The following SLC30A7 variants were observed in gnomAD, a reference collection of about 807,000 sequenced individuals.
The protein encoded by SLC30A7 is solute carrier family 30 member 7, also known as zinc transporter 7.
A neutral mutation model predicts 46.0 loss-of-function variants in SLC30A7; 35 were observed. That is an observed-to-expected ratio of 0.76 (90% CI 0.58 to 1.01). SLC30A7 has a LOEUF of 1.01. Ranked by LOEUF, SLC30A7 falls within the 50% of genes least tolerant of loss-of-function variation. SLC30A7 has a pLI of 0.00. For missense variants in SLC30A7, 464 were observed against 451.1 expected (o/e 1.03, Z -0.26); for synonymous variants, 147 against 157.8 (o/e 0.93, Z 0.51).
downstream of SLC30A7, among the ~76,000 whole-genome samples, chr1:100,981,959 TAGTC>T (rs1309884178): frequency 1.3e-5 from 2 of 152,208 alleles, no homozygotes; most frequent in Non-Finnish European, 2.9e-5. Context: ...TTGTGGCTCT[TAGTC>T]AGCATCTGAC....
the SLC30A7 span, chr1:100,990,178 G>T: frequency 1.9e-6 from 1 of 520,810 alleles, no homozygotes; most frequent in African/African-American, 1.9e-5. Flanking sequence ...GAGTGAGAAT[G>T]AGAGCCAGTA....
intron 7 of SLC30A7, 41 bp from the exon 8 acceptor site, chr1:100,921,665 A>T: frequency 6.5e-7 from 1 of 1,531,988 alleles, no homozygotes; most frequent in South Asian, 1.1e-5. Context: ...TTTTAAATTA[A>T]CCAAAAGACT....
chr1:100,979,638 C>A lies in SLC30A7; in HGVS notation c.*4781C>A, dbSNP rs918895440. ...GGCCTTCATGTTATTACATTTAATC[C>A]TCAAATTTCTACAAAGGAATAATTT... On this transcript the variant is annotated 3_prime_UTR_variant, in exon 11 of 11. Coordinates refer to ENST00000357650, the MANE Select transcript of SLC30A7 (RefSeq NM_133496.5). 12 of 151,980 alleles carry A rather than the reference C, an allele frequency of 7.9e-5. No individual in the cohort carries two copies. The highest frequency in any genetic ancestry group is 3.3e-4 in the Admixed American group (5 of 15,248). The allele number at this position is 151,980 out of a possible 1,614,324, so 9.4% of individuals were successfully genotyped here.
chr1:100,972,325 A>G (rs1656202199), intron 10 of SLC30A7: 4 of 315,574 alleles, frequency 1.3e-5, no homozygotes. Context: ...AGCTGTCCTC[A>G]TCGGGCCAGA....
chr1:100,935,041 T>C (rs1653869816), intron 8 of SLC30A7, among the ~76,000 whole-genome samples: 1 of 152,184 alleles, frequency 6.6e-6, no homozygotes, highest in Non-Finnish European at 1.5e-5. Context: ...ATTTTCTATT[T>C]TTAGCTCATA....
intron 8 of SLC30A7, among the ~76,000 whole-genome samples, chr1:100,961,182 C>T (rs982588561): frequency 6.6e-6 from 1 of 151,548 alleles, no homozygotes; most frequent in Non-Finnish European, 1.5e-5. Flanking sequence ...AGGATGGTCT[C>T]GATATCCTGA....
chr1:100,926,529 C>A (rs555949486), intron 8 of SLC30A7, among the ~76,000 whole-genome samples: 1 of 152,250 alleles, frequency 6.6e-6, no homozygotes, highest in East Asian at 1.9e-4. Context: ...CCCCATGATC[C>A]AAACACCTCC....
At position 100,912,112 on chromosome 1, in the gene SLC30A7, A is replaced by G; in HGVS notation, c.385A>G (p.Arg129Gly). ...AFFIFSEGVE[R>G]ALAPPDVHHE... is the part of the protein sequence containing the mutation. ...TTTGTTTGTATTATGTGTTTTCTAG[A>G]GAGCATTAGCCCCTCCAGATGTCCA... The change falls in exon 5 of 11, where the codon AGA (arginine) becomes GGA (glycine). Residue 129 changes from arginine (R) to glycine (G), a missense_variant and splice_region_variant. Arg to Gly is a moderately radical substitution (Grantham distance 125, BLOSUM62 -2). Coordinates refer to ENST00000357650, the MANE Select transcript of SLC30A7 (RefSeq NM_133496.5). 1 of 1,612,686 alleles carries G rather than the reference A, an allele frequency of 6.2e-7. No homozygotes were observed. The highest frequency in any genetic ancestry group is 8.5e-7 in the Non-Finnish European group (1 of 1,179,200).
At chr1:100,905,319 C>T (rs1651581199) in intron 2 of SLC30A7, among the ~76,000 whole-genome samples, 1 of 151,512 alleles carries the variant, frequency 6.6e-6, no homozygotes, top group South Asian at 2.1e-4. Context: ...TCTCTTTCTT[C>T]CCCTCTGGTT....
chr1:100,941,753 C>G, intron 8 of SLC30A7: 1 of 633,364 alleles, frequency 1.6e-6, no homozygotes, highest in South Asian at 1.4e-5. Context: ...ATGACTGCAT[C>G]TACCTCCTCC....
chr1:100,915,260 T>C (rs532875820), intron 6 of SLC30A7, among the ~76,000 whole-genome samples: 48 of 136,844 alleles, frequency 3.5e-4, no homozygotes, highest in East Asian at 1.7e-3. Flanking sequence ...TTTCTTCCTT[T>C]CTTTCTTTCT....
At chr1:100,915,034 C>G (rs1652387468) in intron 6 of SLC30A7, among the ~76,000 whole-genome samples, 1 of 151,300 alleles carries the variant, frequency 6.6e-6, no homozygotes, top group Admixed American at 6.6e-5. Flanking sequence ...TAAGTATGCA[C>G]CCATGAAACC....
chr1:100,955,181 T>C (rs1411243160), intron 8 of SLC30A7, among the ~76,000 whole-genome samples: 1 of 152,118 alleles, frequency 6.6e-6, no homozygotes, highest in Non-Finnish European at 1.5e-5. Context: ...CTTTTTTGTT[T>C]GGTTTGTTTA....
At chr1:100,896,475 A>C in intron 1 of SLC30A7, 95 bp from the exon 2 acceptor site, 1 of 1,417,702 alleles carries the variant, frequency 7.1e-7, no homozygotes, top group Middle Eastern at 1.8e-4. Flanking sequence ...AGAAAGGAGC[A>C]TGTGAACTGG....
intron 8 of SLC30A7, among the ~76,000 whole-genome samples, chr1:100,953,340 C>G (rs935046261): frequency 2.0e-5 from 3 of 152,142 alleles, no homozygotes; most frequent in African/African-American, 7.2e-5. Flanking sequence ...CTAGTTGAAA[C>G]CAGAGATTAA....
intron 9 of SLC30A7, among the ~76,000 whole-genome samples, chr1:100,964,192 G>A (rs928770313): frequency 5.0e-5 from 6 of 121,016 alleles, no homozygotes; most frequent in Non-Finnish European, 1.1e-4. Flanking sequence ...ATTATTTTAA[G>A]GTAGCATCAA....
the SLC30A7 span, among the ~76,000 whole-genome samples, chr1:100,992,188 AAG>A: frequency 6.6e-6 from 1 of 152,158 alleles, no homozygotes; most frequent in East Asian, 1.9e-4. Context: ...TTAGGAATAT[AAG>A]AACAAATTTT....
At chr1:100,922,279 A>G (rs1454423424) in intron 8 of SLC30A7, among the ~76,000 whole-genome samples, 2 of 151,852 alleles carry the variant, frequency 1.3e-5, no homozygotes, top group African/African-American at 2.4e-5. Context: ...TACCCTTTTC[A>G]TTTTTATATG....
At chr1:100,911,242 T>C in intron 4 of SLC30A7, 92 bp downstream of exon 4, 1 of 840,444 alleles carries the variant, frequency 1.2e-6, no homozygotes, top group Non-Finnish European at 1.8e-6. Flanking sequence ...TTTCAACTAT[T>C]ATTAAATATT....
Sources: allele counts gnomAD v4.1 joint callset (sites outside exome capture counted in the v4.1 genomes callset), GRCh38; gene constraint gnomAD v4.1.1; transcripts MANE v1.5; gene names NCBI Gene and HGNC (gene_info 2026-07-23, HGNC 2026-07-21).